Variants in FBXL17 observed in about 807,000 individuals in gnomAD.
FBXL17 encodes F-box/LRR-repeat protein 17.
A neutral mutation model predicts 66.2 loss-of-function variants in FBXL17; 22 were observed. That is an observed-to-expected ratio of 0.33 (90% CI 0.24 to 0.47). The LOEUF is 0.47. Among genes scored for constraint, FBXL17 ranks in the 20% least tolerant of loss-of-function variants. The pLI, the probability that FBXL17 is intolerant of heterozygous loss-of-function variation, is 1.00. For synonymous variants in FBXL17, 474 were observed against 400.5 expected (o/e 1.18, Z -2.19); for missense variants, 878 against 948.2 (o/e 0.93, Z 0.97).
intron 4 of FBXL17, among the ~76,000 whole-genome samples, chr5:108,312,273 T>G (rs1294139726): frequency 6.6e-6 from 1 of 152,148 alleles, no homozygotes; most frequent in African/African-American, 2.4e-5. Flanking sequence ...AAAAATTAAC[T>G]CGTAGAATGT....
At chr5:108,355,699 CT>C (rs1363930126) in intron 3 of FBXL17, among the ~76,000 whole-genome samples, 1 of 152,008 alleles carries the variant, frequency 6.6e-6, no homozygotes, top group Admixed American at 6.6e-5. Flanking sequence ...AGGATAACCA[CT>C]TTAAAAAGTA....
intron 7 of FBXL17, among the ~76,000 whole-genome samples, chr5:107,887,126 TGTTAAA>T (rs1181041441): frequency 6.6e-6 from 1 of 152,234 alleles, no homozygotes; most frequent in African/African-American, 2.4e-5. Context: ...TTGTAGAGGT[TGTTAAA>T]GTTAGAGGTA....
rs1363344362 is a variant in FBXL17 at position 108,284,715 on chromosome 5, C to G, written c.1507-60487G>C. ...ATAAATTTACACAAATGTTTTAGTC[C>G]TAAAAAATGCAAATGATCATCTGAG... On this transcript the variant is annotated intron_variant, in intron 4 of 8. Transcript: ENST00000542267. Among the ~76,000 whole-genome samples the G allele has an allele frequency of 2.6e-5, 4 of 151,746 alleles. No individual in the cohort carries two copies. The East Asian group carries it at 7.7e-4, about 29-fold the overall frequency.
intron 6 of FBXL17, among the ~76,000 whole-genome samples, chr5:108,178,797 C>T (rs1752891979): frequency 6.6e-6 from 1 of 152,274 alleles, no homozygotes; most frequent in East Asian, 1.9e-4. Context: ...TCTTTATTTC[C>T]AAGTTTTCAG....
intron 4 of FBXL17, among the ~76,000 whole-genome samples, chr5:108,237,109 T>C (rs1755641309): frequency 6.6e-6 from 1 of 152,226 alleles, no homozygotes; most frequent in South Asian, 2.1e-4. Context: ...ACAGCTACCC[T>C]AGTCCACTGA....
intron 6 of FBXL17, among the ~76,000 whole-genome samples, chr5:108,170,448 G>A (rs1335215103): frequency 6.6e-6 from 1 of 152,094 alleles, no homozygotes; most frequent in African/African-American, 2.4e-5. Flanking sequence ...CAAAAATAAA[G>A]ATTCCCATTT....
At chr5:108,073,708 A>C (rs1453595904) in intron 6 of FBXL17, among the ~76,000 whole-genome samples, 1 of 152,172 alleles carries the variant, frequency 6.6e-6, no homozygotes, top group Non-Finnish European at 1.5e-5. Context: ...ACTCAGTGTC[A>C]TATTTATAAA....
chr5:108,196,816 T>C (rs1270505570), intron 5 of FBXL17, among the ~76,000 whole-genome samples: 7 of 152,170 alleles, frequency 4.6e-5, no homozygotes, highest in African/African-American at 1.7e-4. Context: ...AGCATACAAT[T>C]AGAGGTCATT....
intron 1 of FBXL17, among the ~76,000 whole-genome samples, chr5:108,373,769 T>C (rs1467423225): frequency 6.6e-6 from 1 of 151,576 alleles, no homozygotes; most frequent in East Asian, 1.9e-4. Flanking sequence ...AATGACAAAA[T>C]TAGCCAGCCA....
At chr5:108,333,747 C>G (rs1760245522) in intron 4 of FBXL17, among the ~76,000 whole-genome samples, 1 of 152,118 alleles carries the variant, frequency 6.6e-6, no homozygotes, top group Admixed American at 6.5e-5. Context: ...ACCATACATA[C>G]AAAAACCCCA....
At chr5:108,347,871 C>CA (rs1262880057) in intron 4 of FBXL17, among the ~76,000 whole-genome samples, 1 of 152,026 alleles carries the variant, frequency 6.6e-6, no homozygotes, top group Non-Finnish European at 1.5e-5. Flanking sequence ...TTTTTAAGCA[C>CA]AATATATTAA....
intron 4 of FBXL17, among the ~76,000 whole-genome samples, chr5:108,242,456 A>C (rs1439586155): frequency 6.6e-6 from 1 of 151,712 alleles, no homozygotes; most frequent in African/African-American, 2.4e-5. Flanking sequence ...TCCTAATCTC[A>C]AGCAACCCTC....
intron 7 of FBXL17, among the ~76,000 whole-genome samples, chr5:107,890,091 T>A (rs1318457017): frequency 1.3e-5 from 2 of 152,112 alleles, no homozygotes; most frequent in Admixed American, 1.3e-4. Context: ...GAACCTAAAG[T>A]CCCTGGTTCA....
chr5:107,869,714 A>C (rs190179068), intron 8 of FBXL17, among the ~76,000 whole-genome samples: 5 of 152,278 alleles, frequency 3.3e-5, no homozygotes, highest in African/African-American at 1.2e-4. Context: ...TGGTGAGAGC[A>C]GGGAACTAGG....
chr5:108,027,224 A>G (rs1434759824), intron 6 of FBXL17, among the ~76,000 whole-genome samples: 1 of 152,210 alleles, frequency 6.6e-6, no homozygotes, highest in Non-Finnish European at 1.5e-5. Flanking sequence ...GACAGAATAA[A>G]GCCTGCAATA....
chr5:108,359,210 T>A (rs564098701), intron 3 of FBXL17, among the ~76,000 whole-genome samples: 1 of 152,252 alleles, frequency 6.6e-6, no homozygotes, highest in East Asian at 1.9e-4. Context: ...TCTTAGTCAA[T>A]CTAGTTAAAG....
chr5:107,866,803 TCAC>T lies in FBXL17; in HGVS notation c.1966-4946_1966-4944del, dbSNP rs549149977. ...TATTTGACATCTGAGTATATTAAAA[TCAC>T]ATTTAAAACTAAACCACTTAAAGTT... On this transcript the variant is annotated intron_variant, in intron 8 of 8. Coordinates refer to ENST00000542267, the MANE Select transcript of FBXL17 (RefSeq NM_001163315.3). 1.0e-3 allele frequency among the ~76,000 whole-genome samples: 154 copies of T among 152,300 alleles called. 1 individual carries two copies. Among genetic ancestry groups the T allele is most frequent in the African/African-American group, 3.6e-3 (148 of 41,572 alleles).
chr5:108,346,470 T>C (rs948462688), intron 4 of FBXL17, among the ~76,000 whole-genome samples: 12 of 152,250 alleles, frequency 7.9e-5, no homozygotes, highest in African/African-American at 2.6e-4. Flanking sequence ...TGGGAAACCA[T>C]TGGCTAAAAA....
intron 4 of FBXL17, among the ~76,000 whole-genome samples, chr5:108,313,011 T>A (rs925832642): frequency 1.3e-5 from 2 of 152,210 alleles, no homozygotes; most frequent in South Asian, 2.1e-4. Flanking sequence ...GGGAAATAAT[T>A]TCACAAATAA....
Sources: allele counts gnomAD v4.1 joint callset (sites outside exome capture counted in the v4.1 genomes callset), GRCh38; gene constraint gnomAD v4.1.1; transcripts MANE v1.5; gene names NCBI Gene and HGNC (gene_info 2026-07-23, HGNC 2026-07-21).